Variants in NAV3 observed in about 807,000 individuals in gnomAD.
NAV3 encodes pore membrane and/or filament interacting like protein 1.
Under a neutral mutation model 244.7 loss-of-function variants are expected in NAV3, and 87 were observed. That is an observed-to-expected ratio of 0.36 (90% confidence interval 0.30 to 0.42). NAV3 has a LOEUF of 0.42. Among genes scored for constraint, NAV3 ranks in the 20% least tolerant of loss-of-function variants. The probability of loss-of-function intolerance (pLI) is 1.00; values close to 1 mark genes in which losing one functional copy is unlikely to be tolerated. For missense variants in NAV3, 2,663 were observed against 2,893.3 expected (o/e 0.92, Z 1.83); for synonymous variants, 1,126 against 1,042.2 (o/e 1.08, Z -1.55).
At chr12:77,767,891 G>T (rs1869861257) in intron 2 of NAV3, among the ~76,000 whole-genome samples, 1 of 152,198 alleles carries the variant, frequency 6.6e-6, no homozygotes, top group African/African-American at 2.4e-5. Context: ...AGCTCTTTCA[G>T]TTCCACCATT....
At chr12:78,158,453 C>A (rs1290276472) in intron 22 of NAV3, among the ~76,000 whole-genome samples, 7 of 152,030 alleles carry the variant, frequency 4.6e-5, no homozygotes, top group African/African-American at 1.7e-4. Flanking sequence ...TCAAATACTT[C>A]TTAATCTTAA....
intron 39 of NAV3, among the ~76,000 whole-genome samples, chr12:78,209,186 CTCTT>C (rs528904514): frequency 1.5e-3 from 235 of 152,208 alleles, no homozygotes; most frequent in Non-Finnish European, 2.7e-3. Context: ...TAACTGTAGT[CTCTT>C]TGTCAGAAAG....
intron 1 of NAV3, among the ~76,000 whole-genome samples, chr12:77,893,367 T>C (rs756897248): frequency 3.3e-5 from 5 of 152,118 alleles, no homozygotes; most frequent in Admixed American, 2.0e-4. Context: ...TGCTGACTAA[T>C]ATGAAGTTTT....
intron 30 of NAV3, among the ~76,000 whole-genome samples, chr12:78,183,918 C>T (rs977017762): frequency 5.3e-5 from 8 of 151,776 alleles, no homozygotes; most frequent in African/African-American, 1.5e-4. Context: ...CTTTAACATA[C>T]CCAGCTTACA....
intron 2 of NAV3, among the ~76,000 whole-genome samples, chr12:77,632,028 T>C (rs1871929910): frequency 6.6e-6 from 1 of 152,136 alleles, no homozygotes; most frequent in Non-Finnish European, 1.5e-5. Flanking sequence ...TGCCCTGGTA[T>C]TTATTGCTTT....
At chr12:78,094,036 C>T (rs984317512) in intron 12 of NAV3, among the ~76,000 whole-genome samples, 2 of 152,110 alleles carry the variant, frequency 1.3e-5, no homozygotes, top group African/African-American at 2.4e-5. Context: ...GATGAAGTCT[C>T]GCCATGTGGC....
At chr12:77,872,496 G>T (rs1245728198) in intron 1 of NAV3, among the ~76,000 whole-genome samples, 2 of 152,162 alleles carry the variant, frequency 1.3e-5, no homozygotes, top group African/African-American at 4.8e-5. Flanking sequence ...GTTGGTGTTT[G>T]GGGAAGGCCA....
At chr12:77,788,418 T>C (rs1311331448) in intron 2 of NAV3, among the ~76,000 whole-genome samples, 2 of 152,172 alleles carry the variant, frequency 1.3e-5, no homozygotes, top group African/African-American at 4.8e-5. Context: ...AACAATCCTG[T>C]GATGGGCTCC....
chr12:77,639,199 T>C (rs148808053), intron 2 of NAV3, among the ~76,000 whole-genome samples: 205 of 152,268 alleles, frequency 1.3e-3, no homozygotes, highest in Non-Finnish European at 2.0e-3. Flanking sequence ...AAAAAAATTT[T>C]TTTTATCCTC....
intron 2 of NAV3, among the ~76,000 whole-genome samples, chr12:77,670,888 T>C (rs1286543787): frequency 6.6e-6 from 1 of 152,108 alleles, no homozygotes; most frequent in Non-Finnish European, 1.5e-5. Flanking sequence ...AAGACGAGGA[T>C]GGGTACTTTC....
chr12:78,200,475 C>T lies in NAV3; in HGVS notation c.6718C>T (p.Pro2240Ser). ...THSSSDVTIG[P>S]RLFLPCPMDV... ...TTTTGTTATTTATTTCTTATCAGGT[C>T]CCCGACTATTCCTTCCTTGCCCCAT... Residue 2240 changes from proline to serine, a missense_variant and splice_region_variant, in exon 38 of 40, where the codon CCC becomes TCC. This residue lies in a region of NAV3 where 543 missense variants were observed against 672.4 expected (regional missense o/e 0.81). Transcript: ENST00000397909. 1 of 1,551,490 alleles carries T rather than the reference C, an allele frequency of 6.4e-7. No homozygotes were observed. Among genetic ancestry groups the T allele is most frequent in the South Asian group, 1.2e-5 (1 of 82,636 alleles).
intron 12 of NAV3, among the ~76,000 whole-genome samples, chr12:78,108,946 C>G (rs751198048): frequency 1.3e-5 from 2 of 151,382 alleles, no homozygotes; most frequent in African/African-American, 4.8e-5. Context: ...AGAAGAAACA[C>G]AATAATAAAG....
At chr12:77,836,854 G>T (rs1874734303) in intron 1 of NAV3, among the ~76,000 whole-genome samples, 1 of 152,074 alleles carries the variant, frequency 6.6e-6, no homozygotes, top group African/African-American at 2.4e-5. Context: ...AAGAGTAGAG[G>T]CGTTTATGTC....
intron 2 of NAV3, among the ~76,000 whole-genome samples, chr12:77,779,512 T>C (rs1273549915): frequency 6.6e-6 from 1 of 152,236 alleles, no homozygotes; most frequent in East Asian, 1.9e-4. Context: ...GGTTCCCTCA[T>C]GGAACTGAGC....
chr12:77,894,147 T>A (rs571701011), intron 1 of NAV3, among the ~76,000 whole-genome samples: 1 of 152,292 alleles, frequency 6.6e-6, no homozygotes, highest in South Asian at 2.1e-4. Context: ...GGTTTGTTGA[T>A]GTTGGAACTT....
chr12:78,121,979 A>C lies in NAV3; in HGVS notation c.3789A>C (p.Ala1263=), dbSNP rs764793952. 2.5e-6 allele frequency: 4 copies of C among 1,614,138 alleles called. No individual in the cohort carries two copies. Among genetic ancestry groups the C allele is most frequent in the Middle Eastern group, 1.6e-4 (1 of 6,062 alleles). Residue 1263 remains alanine, a synonymous_variant, in exon 16 of 40, where the codon GCA becomes GCC. Coordinates refer to ENST00000397909, the MANE Select transcript of NAV3 (RefSeq NM_001024383.2). ...AGGCAGGTGGCAAATCTGCCTCTGC[A>C]CCTAATACTGAGGGTGTGAAATCTT... The part of the protein sequence containing the change: ...GAKAGGKSAS[A]PNTEGVKSSS...
intron 1 of NAV3, among the ~76,000 whole-genome samples, chr12:77,855,031 G>A (rs1878171954): frequency 6.6e-6 from 1 of 152,140 alleles, no homozygotes; most frequent in Admixed American, 6.5e-5. Flanking sequence ...GGAGGCTGAG[G>A]CAGGAGAATG....
rs149685616 is a variant in NAV3, at chr12:78,160,693, T to C, written c.4869+1407T>C. On this transcript the variant is annotated intron_variant, in intron 23 of 39. Transcript: ENST00000397909. ...AATGAAATCAAAAGAGTAAATCGAA[T>C]ATTCTTATAATTGCCAAGTATTATT... 5.0e-3 allele frequency among the ~76,000 whole-genome samples: 757 copies of C among 152,204 alleles called. 3 individuals carry two copies. The highest frequency in any genetic ancestry group is 8.2e-3 in the Non-Finnish European group (557 of 67,986).
chr12:77,895,979 AGAG>A (rs1282335746), intron 1 of NAV3, among the ~76,000 whole-genome samples: 7 of 129,516 alleles, frequency 5.4e-5, no homozygotes, highest in South Asian at 2.4e-4. Context: ...AAAAAAAAAA[AGAG>A]GAACTCTTTT....
Sources: gnomAD v4.1 joint callset for allele counts (sites outside exome capture counted in the v4.1 genomes callset) on GRCh38, gnomAD v4.1.1 for gene constraint, gnomAD v4.1.1 regional missense constraint, MANE v1.5 for transcripts, NCBI Gene and HGNC (gene_info 2026-07-23, HGNC 2026-07-21) for gene names.